The following AGBL4 variants were observed in gnomAD, a reference collection of about 807,000 sequenced individuals.
The protein encoded by AGBL4 is cytosolic carboxypeptidase 6.
AGBL4 carries 58 observed loss-of-function variants against 66.4 expected under a neutral mutation model. The observed-to-expected ratio is 0.87, with a 90% CI of 0.71 to 1.09. The LOEUF is 1.09. Among genes scored for constraint, AGBL4 ranks in the 50% least tolerant of loss-of-function variants. The pLI, the probability that AGBL4 is intolerant of heterozygous loss-of-function variation, is 0.00. For synonymous variants in AGBL4, 234 were observed against 222.9 expected, an observed-to-expected ratio of 1.05 and a Z score of -0.44; for missense variants, 579 against 631.0, an observed-to-expected ratio of 0.92 and a Z score of 0.88.
At chr1:48,653,602 G>A (rs536857993) in intron 7 of AGBL4, among the ~76,000 whole-genome samples, 151 bp from the exon 8 acceptor site, 3 of 152,290 alleles carry the variant, frequency 2.0e-5, no homozygotes, top group South Asian at 4.1e-4. Context: ...TAGACTACGC[G>A]TTATCTGTAT....
At chr1:49,652,104 T>C (rs1465658690) in intron 3 of AGBL4, among the ~76,000 whole-genome samples, 2 of 152,118 alleles carry the variant, frequency 1.3e-5, no homozygotes, top group African/African-American at 4.8e-5. Flanking sequence ...ATTTCAGAGC[T>C]TGAAGGCCAG....
chr1:48,773,852 G>A (rs1163340322), intron 6 of AGBL4, among the ~76,000 whole-genome samples: 1 of 152,212 alleles, frequency 6.6e-6, no homozygotes, highest in East Asian at 1.9e-4. Context: ...GTCACTTAGA[G>A]GACTAACAGA....
intron 6 of AGBL4, among the ~76,000 whole-genome samples, chr1:48,814,480 G>A (rs972348217): frequency 1.3e-5 from 2 of 151,968 alleles, no homozygotes; most frequent in Non-Finnish European, 2.9e-5. Context: ...CATTGTTCTA[G>A]CTGAAATTAT....
In AGBL4 at chr1:49,076,896, C is replaced by T. The variant is rs1400304849; in HGVS notation, c.378-31096G>A. On this transcript the variant is annotated intron_variant, in intron 4 of 13. Coordinates refer to ENST00000371839, the MANE Select transcript of AGBL4 (RefSeq NM_032785.4). ...CACCTCTCCTCTTTTAGTCAACAAG[C>T]ACCAGTCATTTTATGCTGGCTATTA... 2.0e-5 allele frequency among the ~76,000 whole-genome samples: 3 copies of T among 152,166 alleles called. No homozygotes were observed. In the East Asian group the frequency reaches 5.8e-4, roughly 29 times the overall value.
intron 9 of AGBL4, among the ~76,000 whole-genome samples, chr1:48,617,858 G>A (rs1174660557): frequency 2.4e-4 from 36 of 152,158 alleles, no homozygotes; most frequent in Admixed American, 2.4e-3. Context: ...TGGTCTGAGA[G>A]GGGACCCGAG....
chr1:48,637,163 G>A (rs1462069356), intron 8 of AGBL4, among the ~76,000 whole-genome samples: 1 of 152,200 alleles, frequency 6.6e-6, no homozygotes, highest in African/African-American at 2.4e-5. Flanking sequence ...ACTCAAAAAT[G>A]CTATATTGTT....
At chr1:49,496,482 C>T (rs939051068) in intron 3 of AGBL4, among the ~76,000 whole-genome samples, 6 of 151,858 alleles carry the variant, frequency 4.0e-5, no homozygotes, top group Admixed American at 1.3e-4. Flanking sequence ...TTTATTCCTC[C>T]TAACCGAAAT....
At chr1:48,555,932 G>A (rs1644315245) in intron 11 of AGBL4, among the ~76,000 whole-genome samples, 1 of 152,328 alleles carries the variant, frequency 6.6e-6, no homozygotes, top group South Asian at 2.1e-4. Flanking sequence ...GCATGGTGGT[G>A]TTCCCATCAA....
At chr1:48,666,841 A>G (rs1356208901) in intron 6 of AGBL4, among the ~76,000 whole-genome samples, 14 of 152,230 alleles carry the variant, frequency 9.2e-5, no homozygotes, top group Non-Finnish European at 1.5e-5. Context: ...ATATTTATGT[A>G]GCACTTATTC....
At chr1:49,928,672 A>C (rs530040874) in intron 1 of AGBL4, among the ~76,000 whole-genome samples, 1 of 152,342 alleles carries the variant, frequency 6.6e-6, no homozygotes, top group Admixed American at 6.5e-5. Context: ...AAGAAAATCA[A>C]CAAATTGTAA....
At chr1:49,247,718 G>A (rs187880960) in intron 3 of AGBL4, among the ~76,000 whole-genome samples, 8 of 152,136 alleles carry the variant, frequency 5.3e-5, no homozygotes, top group Admixed American at 2.6e-4. Context: ...ATGTGAAGCT[G>A]GAATAAAGAA....
rs1056577551 is a variant in AGBL4 at position 49,580,272 on chromosome 1, C to A, written c.282+117041G>T. On this transcript the variant is annotated intron_variant, in intron 3 of 13. Coordinates refer to ENST00000371839, the MANE Select transcript of AGBL4 (RefSeq NM_032785.4). Reference sequence around the variant, plus strand: ...CAAGTTTTTTTAAAATCCATTCAGACAATCCTTATCTTTTAAGTGGAGAAC... The same window carrying A: ...CAAGTTTTTTTAAAATCCATTCAGAAAATCCTTATCTTTTAAGTGGAGAAC... Among the ~76,000 whole-genome samples the A allele has an allele frequency of 2.6e-5, 4 of 152,142 alleles. No homozygotes were observed. The South Asian group carries it at 8.3e-4, about 31-fold the overall frequency.
chr1:49,601,186 T>C (rs986351345), intron 3 of AGBL4, among the ~76,000 whole-genome samples: 3 of 152,224 alleles, frequency 2.0e-5, no homozygotes, highest in Admixed American at 1.3e-4. Flanking sequence ...TCTTGCTAGG[T>C]TGGGATATTC....
chr1:49,317,573 C>T (rs1291784933), intron 3 of AGBL4, among the ~76,000 whole-genome samples: 2 of 151,584 alleles, frequency 1.3e-5, no homozygotes, highest in Non-Finnish European at 3.0e-5. Flanking sequence ...CTTAGAGATC[C>T]CCATAATTAT....
At chr1:49,658,861 G>C (rs1410788715) in intron 3 of AGBL4, among the ~76,000 whole-genome samples, 1 of 151,852 alleles carries the variant, frequency 6.6e-6, no homozygotes, top group Non-Finnish European at 1.5e-5. Context: ...CCTGTTGTGG[G>C]GTGGGGGAAT....
At chr1:48,959,314 T>C (rs1010909934) in intron 5 of AGBL4, among the ~76,000 whole-genome samples, 3 of 152,086 alleles carry the variant, frequency 2.0e-5, no homozygotes, top group Non-Finnish European at 4.4e-5. Context: ...GAATCATAGG[T>C]GATGTTCAAA....
At position 48,588,458 on chromosome 1, in the gene AGBL4, A is replaced by G. The variant is rs901147486; in HGVS notation, c.1105-1292T>C. Among the ~76,000 whole-genome samples the G allele has an allele frequency of 2.6e-5, 4 of 152,240 alleles. No homozygotes were observed. The South Asian group carries it at 8.3e-4, about 32-fold the overall frequency. On this transcript the variant is annotated intron_variant, in intron 10 of 13. Transcript: ENST00000371839. ...TGGAGGTGAAAATAATATCTCTTTC[A>G]CAGAGTTGTGAGGGTCAGTTCACTT... is the stretch of plus-strand genomic sequence containing the variant.
At chr1:48,663,110 T>C (rs562685408) in intron 7 of AGBL4, 42 bp downstream of exon 7, 3 of 1,583,150 alleles carry the variant, frequency 1.9e-6, no homozygotes, top group Non-Finnish European at 1.7e-6. Flanking sequence ...AGTGTCCCAG[T>C]TGGATGTGGG....
At chr1:49,767,065 A>G (rs1652784120) in intron 2 of AGBL4, among the ~76,000 whole-genome samples, 1 of 152,138 alleles carries the variant, frequency 6.6e-6, no homozygotes, top group South Asian at 2.1e-4. Flanking sequence ...GAAAACTAGC[A>G]AAGACATTCT....
Sources: allele counts gnomAD v4.1 joint callset (sites outside exome capture counted in the v4.1 genomes callset), GRCh38; gene constraint gnomAD v4.1.1; transcripts MANE v1.5; gene names NCBI Gene and HGNC (gene_info 2026-07-23, HGNC 2026-07-21).